The following RTN1 variants were observed in gnomAD, a reference collection of about 807,000 sequenced individuals.
RTN1 encodes reticulon-1.
In RTN1, 25 loss-of-function variants were observed where a neutral mutation model predicts 65.5. That is an observed-to-expected ratio of 0.38 (90% CI 0.28 to 0.53). The LOEUF (loss-of-function observed/expected upper bound fraction) is 0.53, where lower values mean the gene tolerates loss of function less well. RTN1 is among the 20% of genes least tolerant of loss of function. The pLI, the probability that RTN1 is intolerant of heterozygous loss-of-function variation, is 0.79. For missense variants in RTN1, 983 were observed against 1,025.4 expected (o/e 0.96, Z 0.57); for synonymous variants, 471 against 447.6 (o/e 1.05, Z -0.66).
chr14:59,625,324 A>T (rs1882365873), intron 3 of RTN1, among the ~76,000 whole-genome samples: 1 of 152,186 alleles, frequency 6.6e-6, no homozygotes, highest in African/African-American at 2.4e-5. Flanking sequence ...CTAACCCACA[A>T]TGAATCTTTA....
chr14:59,698,666 G>A (rs1345637194), intron 3 of RTN1, among the ~76,000 whole-genome samples: 2 of 152,174 alleles, frequency 1.3e-5, no homozygotes, highest in African/African-American at 4.8e-5. Context: ...CCATGATTGT[G>A]AGGTTTCCCC....
chr14:59,747,200 T>G lies in RTN1; in HGVS notation c.242-719A>C, dbSNP rs1028235951. ...GATATTCAAAGTCACCCACTGGCAA[T>G]TCCTTCATTCCACTGGTGGTGCTAA... is the stretch of plus-strand genomic sequence containing the variant. On this transcript the variant is annotated intron_variant, in intron 1 of 8. Coordinates refer to ENST00000267484, the MANE Select transcript of RTN1 (RefSeq NM_021136.3). Among the ~76,000 whole-genome samples the G allele has an allele frequency of 1.3e-5, 2 of 152,264 alleles. 1 individual carries two copies. The highest frequency in any genetic ancestry group is 4.1e-4 in the South Asian group (2 of 4,834).
In RTN1 at chr14:59,749,114, A is replaced by C. The variant is rs1341325285; in HGVS notation, c.242-2633T>G. Reference sequence around the variant, plus strand: ...TCTATATATATATCTATATATATATATATATATATAGATATATCTATATCT... The same window carrying C: ...TCTATATATATATCTATATATATATCTATATATATAGATATATCTATATCT... On this transcript the variant is annotated intron_variant, in intron 1 of 8. Coordinates refer to ENST00000267484, the MANE Select transcript of RTN1 (RefSeq NM_021136.3). 2.2e-3 allele frequency among the ~76,000 whole-genome samples: 98 copies of C among 45,570 alleles called. 3 individuals carry two copies. Among genetic ancestry groups the C allele is most frequent in the African/African-American group, 9.7e-3 (67 of 6,898 alleles). 29.9% of individuals were successfully genotyped at this position (45,570 alleles called of 152,430 possible). A position where few individuals can be genotyped will look rare whatever the true frequency, so the allele number is the denominator to read the frequency against.
intron 3 of RTN1, among the ~76,000 whole-genome samples, chr14:59,709,271 A>G (rs1884364410): frequency 1.3e-5 from 2 of 152,250 alleles, no homozygotes; most frequent in African/African-American, 2.4e-5. Context: ...TTGTTTATCT[A>G]TATATGAAAG....
chr14:59,852,026 C>T (rs962285439), intron 1 of RTN1, among the ~76,000 whole-genome samples: 1 of 152,166 alleles, frequency 6.6e-6, no homozygotes, highest in Non-Finnish European at 1.5e-5. Flanking sequence ...AGTTCTCTAA[C>T]ACCACGGATT....
chr14:59,758,536 C>T (rs187633568), intron 1 of RTN1, among the ~76,000 whole-genome samples: 1 of 152,296 alleles, frequency 6.6e-6, no homozygotes, highest in East Asian at 1.9e-4. Context: ...GGCTCCTTCA[C>T]TCTTCCCAAA....
At chr14:59,680,074 G>A (rs1883713741) in intron 3 of RTN1, among the ~76,000 whole-genome samples, 1 of 152,136 alleles carries the variant, frequency 6.6e-6, no homozygotes, top group Non-Finnish European at 1.5e-5. Flanking sequence ...CTCTGACAAA[G>A]TGTGTCTATT....
intron 2 of RTN1, among the ~76,000 whole-genome samples, chr14:59,738,494 A>T (rs929218050): frequency 7.9e-5 from 12 of 152,226 alleles, no homozygotes; most frequent in Admixed American, 1.3e-4. Context: ...CAAAAAGTCA[A>T]AAAACAACAA....
chr14:59,667,112 G>A lies in RTN1; in HGVS notation c.1766-59620C>T, dbSNP rs147095657. 5.5e-3 allele frequency among the ~76,000 whole-genome samples: 842 copies of A among 151,876 alleles called. 4 individuals carry two copies. The highest frequency in any genetic ancestry group is 0.02 in the Middle Eastern group (6 of 294). ...GAATCCTCCCTAACTCATTTTATGA[G>A]GCTAGCATCATCCTGATAACAAAAC... On this transcript the variant is annotated intron_variant, in intron 3 of 8. Coordinates refer to ENST00000267484, the MANE Select transcript of RTN1 (RefSeq NM_021136.3).
rs1883393431 is a variant in RTN1 at position 59,667,009 on chromosome 14, C to T, written c.1766-59517G>A. ...AAAAGCCCAGGACCATACGGATTCACAGCTGAATTCTACCAGAGGTACAAA... is the reference window on the plus strand; with the variant it reads ...AAAAGCCCAGGACCATACGGATTCATAGCTGAATTCTACCAGAGGTACAAA... On this transcript the variant is annotated intron_variant, in intron 3 of 8. Coordinates refer to ENST00000267484, the MANE Select transcript of RTN1 (RefSeq NM_021136.3). 2.8e-5 allele frequency among the ~76,000 whole-genome samples: 4 copies of T among 142,526 alleles called. 1 individual carries two copies. In the South Asian group the frequency reaches 9.1e-4, roughly 32 times the overall value. 93.5% of individuals were successfully genotyped at this position (142,526 alleles called of 152,430 possible).
intron 1 of RTN1, among the ~76,000 whole-genome samples, chr14:59,863,870 GTTCT>G (rs1015136309): frequency 1.3e-5 from 2 of 152,146 alleles, no homozygotes; most frequent in African/African-American, 4.8e-5. Flanking sequence ...TGTCCCTTGT[GTTCT>G]TTCTAACACA....
chr14:59,810,399 A>T (rs1436467112), intron 1 of RTN1, among the ~76,000 whole-genome samples: 2 of 152,178 alleles, frequency 1.3e-5, no homozygotes, highest in African/African-American at 2.4e-5. Flanking sequence ...CACTGATGCA[A>T]ACATGAAGTA....
At chr14:59,646,251 T>C (rs1199352067) in intron 3 of RTN1, among the ~76,000 whole-genome samples, 2 of 152,108 alleles carry the variant, frequency 1.3e-5, no homozygotes, top group African/African-American at 4.8e-5. Context: ...GACAGTCATA[T>C]ACAGATAAAG....
At chr14:59,668,053 C>T (rs1449790313) in intron 3 of RTN1, among the ~76,000 whole-genome samples, 6 of 152,246 alleles carry the variant, frequency 3.9e-5, no homozygotes, top group Non-Finnish European at 8.8e-5. Flanking sequence ...GATTCAATGT[C>T]ATCCCCATCA....
chr14:59,799,565 A>T (rs1231933971), intron 1 of RTN1, among the ~76,000 whole-genome samples: 2 of 152,238 alleles, frequency 1.3e-5, no homozygotes, highest in Non-Finnish European at 2.9e-5. Flanking sequence ...ATCAAATTTA[A>T]ATGTGGGCTA....
Position 59,727,531 on chromosome 14 carries a change from C to T in RTN1, c.1153G>A (p.Glu385Lys), listed in dbSNP as rs373346838. 9.3e-6 allele frequency: 15 copies of T among 1,607,836 alleles called. No individual in the cohort carries two copies. Among genetic ancestry groups the T allele is most frequent in the Non-Finnish European group, 1.2e-5 (14 of 1,177,924 alleles). Residue 385 changes from glutamate (E) to lysine (K), a missense_variant, in exon 3 of 9, where the codon GAG becomes AAG. Glu to Lys is a moderately conservative substitution (Grantham distance 56). Coordinates refer to ENST00000267484, the MANE Select transcript of RTN1 (RefSeq NM_021136.3). This position sits in a 1 kb window ranked among gnomAD's most constrained non-coding sequence, Gnocchi z 4.2. The stretch of plus-strand genomic sequence containing the variant: ...GGCGGTCCGGACCTGGCCTTGACCT[C>T]GGGCCTGTCGGCCAGCTGGCCCACC... ...RPVGQLADRP[E>K]VKARSGPPTI...
chr14:59,797,187 C>T (rs533289386), intron 1 of RTN1, among the ~76,000 whole-genome samples: 100 of 152,262 alleles, frequency 6.6e-4, no homozygotes, highest in Non-Finnish European at 1.1e-3. Flanking sequence ...ATGTAATAAA[C>T]TATTGCTAAA....
chr14:59,729,389 T>C (rs1237779293), intron 2 of RTN1, among the ~76,000 whole-genome samples: 1 of 152,144 alleles, frequency 6.6e-6, no homozygotes, highest in Non-Finnish European at 1.5e-5. Flanking sequence ...TTCCCCCCCT[T>C]TTTTAGTAAC....
intron 3 of RTN1, among the ~76,000 whole-genome samples, chr14:59,651,617 A>G (rs187562427): frequency 1.1e-4 from 17 of 152,226 alleles, no homozygotes; most frequent in East Asian, 5.8e-4. Flanking sequence ...AGGCACCTGT[A>G]ATCCCAGCTG....
Sources: gnomAD v4.1 joint callset for allele counts (sites outside exome capture counted in the v4.1 genomes callset) on GRCh38, gnomAD v4.1.1 for gene constraint, Gnocchi (gnomAD v3.1) non-coding constraint, MANE v1.5 for transcripts, NCBI Gene and HGNC (gene_info 2026-07-23, HGNC 2026-07-21) for gene names.